Variants in MAML3 observed in about 807,000 individuals in gnomAD.
MAML3 encodes mastermind like transcriptional coactivator 3, also known as mastermind-like protein 3.
A neutral mutation model predicts 101.9 loss-of-function variants in MAML3; 27 were observed. The observed-to-expected ratio is 0.27, with a 90% confidence interval of 0.20 to 0.37. The LOEUF (loss-of-function observed/expected upper bound fraction) is 0.37. Among genes scored for constraint, MAML3 ranks in the 10% least tolerant of loss-of-function variants. The probability of loss-of-function intolerance (pLI) is 1.00; values close to 1 mark genes in which losing one functional copy is unlikely to be tolerated. For missense variants in MAML3, 1,316 were observed against 1,444.9 expected (o/e 0.91, Z 1.45); for synonymous variants, 501 against 555.9 (o/e 0.90, Z 1.39).
chr4:140,118,033 T>A (rs917628591), intron 1 of MAML3, among the ~76,000 whole-genome samples: 2 of 152,162 alleles, frequency 1.3e-5, no homozygotes, highest in Non-Finnish European at 2.9e-5. Context: ...TTTTTTTTAA[T>A]CTTCTAAAAT....
intron 1 of MAML3, among the ~76,000 whole-genome samples, chr4:139,985,219 C>A (rs948990482): frequency 4.6e-5 from 7 of 152,190 alleles, no homozygotes; most frequent in African/African-American, 1.7e-4. Flanking sequence ...TAGCACAGCA[C>A]AAGCCAAGTC....
intron 4 of MAML3, 30 bp from the exon 5 acceptor site, chr4:139,720,353 C>T: frequency 5.3e-6 from 8 of 1,505,646 alleles, no homozygotes; most frequent in Non-Finnish European, 7.1e-6. Context: ...ACATACCACT[C>T]ACTCTTCTCC....
intron 2 of MAML3, among the ~76,000 whole-genome samples, chr4:139,763,615 T>TAA (rs141411580): frequency 6.6e-6 from 1 of 151,822 alleles, no homozygotes; most frequent in Non-Finnish European, 1.5e-5. Context: ...AGCATTGGAT[T>TAA]AAAAAAATCA....
At chr4:139,772,951 G>T (rs1221938095) in intron 2 of MAML3, among the ~76,000 whole-genome samples, 1 of 151,534 alleles carries the variant, frequency 6.6e-6, no homozygotes, top group Non-Finnish European at 1.5e-5. Context: ...TCAGTAGAGG[G>T]CCCTAACCCT....
chr4:140,111,409 G>A (rs1211739086), intron 1 of MAML3, among the ~76,000 whole-genome samples: 1 of 152,196 alleles, frequency 6.6e-6, no homozygotes, highest in African/African-American at 2.4e-5. Flanking sequence ...AGATAGAGAT[G>A]CGTGCAAACA....
chr4:139,908,854 A>G (rs1732866431), intron 1 of MAML3, among the ~76,000 whole-genome samples: 1 of 152,228 alleles, frequency 6.6e-6, no homozygotes, highest in African/African-American at 2.4e-5. Context: ...GAGAATGAAC[A>G]TGGAATGATT....
chr4:139,963,496 C>G (rs375272312), intron 1 of MAML3, among the ~76,000 whole-genome samples: 1 of 152,026 alleles, frequency 6.6e-6, no homozygotes, highest in Admixed American at 6.6e-5. Context: ...TCTACGTGGC[C>G]GACAATGAAA....
chr4:139,877,883 T>C (rs573254126), intron 2 of MAML3, among the ~76,000 whole-genome samples: 7 of 152,300 alleles, frequency 4.6e-5, no homozygotes, highest in Admixed American at 3.9e-4. Flanking sequence ...GAAACTATTA[T>C]ACCATCCCAA....
intron 1 of MAML3, among the ~76,000 whole-genome samples, chr4:139,956,745 C>T (rs2110767600): frequency 6.6e-6 from 1 of 152,274 alleles, no homozygotes; most frequent in Non-Finnish European, 1.5e-5. Context: ...AAACAGATTT[C>T]TCCACACAGG....
intron 1 of MAML3, among the ~76,000 whole-genome samples, chr4:140,037,725 C>T (rs1355287376): frequency 6.6e-6 from 1 of 152,204 alleles, no homozygotes; most frequent in Non-Finnish European, 1.5e-5. Flanking sequence ...TAAGACAAGG[C>T]CCACTGAGTT....
intron 1 of MAML3, among the ~76,000 whole-genome samples, chr4:140,089,847 T>C (rs1728014726): frequency 6.6e-6 from 1 of 152,184 alleles, no homozygotes; most frequent in African/African-American, 2.4e-5. Flanking sequence ...GGTCTTGAAC[T>C]CCTGGCCTCA....
intron 1 of MAML3, among the ~76,000 whole-genome samples, chr4:140,136,672 A>C (rs1305617828): frequency 6.6e-6 from 1 of 152,208 alleles, no homozygotes; most frequent in Non-Finnish European, 1.5e-5. Flanking sequence ...GGATCCCCAA[A>C]TTGGGAGAGG....
At chr4:140,040,802 C>CATA (rs1338970390) in intron 1 of MAML3, among the ~76,000 whole-genome samples, 34 of 152,256 alleles carry the variant, frequency 2.2e-4, no homozygotes, top group Admixed American at 5.9e-4. Flanking sequence ...ATATATTATG[C>CATA]ATAATAATAG....
intron 2 of MAML3, among the ~76,000 whole-genome samples, chr4:139,770,135 T>C (rs901328181): frequency 6.6e-6 from 1 of 152,114 alleles, no homozygotes; most frequent in Non-Finnish European, 1.5e-5. Flanking sequence ...CCTCACTATG[T>C]TGCCCAGGTT....
intron 1 of MAML3, among the ~76,000 whole-genome samples, chr4:139,961,075 G>A (rs1389614634): frequency 6.6e-6 from 1 of 152,046 alleles, no homozygotes. Flanking sequence ...TGCAGGTAAC[G>A]ACCACCTCTC....
intron 2 of MAML3, among the ~76,000 whole-genome samples, chr4:139,773,403 AC>A (rs1228148413): frequency 6.6e-6 from 1 of 152,188 alleles, no homozygotes; most frequent in Non-Finnish European, 1.5e-5. Context: ...AAAGGGTATC[AC>A]TAAATGCCCA....
At chr4:139,831,844 G>A (rs1578622097) in intron 2 of MAML3, among the ~76,000 whole-genome samples, 1 of 151,256 alleles carries the variant, frequency 6.6e-6, no homozygotes, top group East Asian at 1.9e-4. Context: ...CCAGGCCAGA[G>A]TGCAGTGGTG....
intron 1 of MAML3, among the ~76,000 whole-genome samples, chr4:139,922,099 G>C (rs1733140902): frequency 6.6e-6 from 1 of 152,138 alleles, no homozygotes; most frequent in Non-Finnish European, 1.5e-5. Flanking sequence ...AGGAGCTAGG[G>C]AGAGCAAGTG....
intron 1 of MAML3, among the ~76,000 whole-genome samples, chr4:140,151,462 G>A (rs887448270): frequency 1.3e-5 from 2 of 152,128 alleles, no homozygotes; most frequent in Admixed American, 6.5e-5. Flanking sequence ...GCGCCGGCCC[G>A]AGCCCCCGGC....
Sources: allele counts gnomAD v4.1 joint callset (sites outside exome capture counted in the v4.1 genomes callset), GRCh38; gene constraint gnomAD v4.1.1; transcripts MANE v1.5; gene names NCBI Gene and HGNC (gene_info 2026-07-23, HGNC 2026-07-21).